The following CFAP299 variants were observed in gnomAD, a reference collection of about 807,000 sequenced individuals.
CFAP299 encodes cilia and flagella associated protein 299, also known as cilia- and flagella-associated protein 299.
A neutral mutation model predicts 27.0 loss-of-function variants in CFAP299; 21 were observed. The ratio of observed to expected loss-of-function variants is 0.78; its 90% CI spans 0.55 to 1.12. The LOEUF is 1.12. Ranked by LOEUF, CFAP299 falls within the 50% of genes most tolerant of loss-of-function variation. The probability of loss-of-function intolerance (pLI) is 0.00; values close to 1 mark genes in which losing one functional copy is unlikely to be tolerated. For synonymous variants in CFAP299, 104 were observed against 98.1 expected, an observed-to-expected ratio of 1.06 and a Z score of -0.36; for missense variants, 310 against 276.6, an observed-to-expected ratio of 1.12 and a Z score of -0.86.
chr4:80,775,678 T>A (rs1257724659), intron 3 of CFAP299, among the ~76,000 whole-genome samples: 1 of 152,022 alleles, frequency 6.6e-6, no homozygotes, highest in Non-Finnish European at 1.5e-5. Context: ...AGCCCAAATA[T>A]GTTTGTAAAA....
chr4:80,549,435 A>G (rs1011227296), intron 2 of CFAP299, among the ~76,000 whole-genome samples: 5 of 152,190 alleles, frequency 3.3e-5, no homozygotes, highest in Non-Finnish European at 7.4e-5. Context: ...CAACTTTTAA[A>G]AAGATATATT....
At chr4:80,891,327 C>T (rs1466896158) in intron 4 of CFAP299, among the ~76,000 whole-genome samples, 1 of 151,458 alleles carries the variant, frequency 6.6e-6, no homozygotes, top group Non-Finnish European at 1.5e-5. Context: ...AATCCTTTCC[C>T]CATTGCTTGT....
intron 2 of CFAP299, among the ~76,000 whole-genome samples, chr4:80,558,070 T>C (rs1734859585): frequency 6.6e-6 from 1 of 152,154 alleles, no homozygotes; most frequent in Non-Finnish European, 1.5e-5. Context: ...ATTTTAATAA[T>C]GGTCAACACA....
intron 2 of CFAP299, among the ~76,000 whole-genome samples, chr4:80,475,389 T>C (rs565573489): frequency 6.6e-6 from 1 of 151,986 alleles, no homozygotes; most frequent in Non-Finnish European, 1.5e-5. Flanking sequence ...GAGGAAGTGG[T>C]TTGTGACAGG....
intron 4 of CFAP299, among the ~76,000 whole-genome samples, chr4:80,919,898 G>A (rs2110210093): frequency 6.6e-6 from 1 of 152,126 alleles, no homozygotes; most frequent in South Asian, 2.1e-4. Flanking sequence ...CAGTATATAT[G>A]GGTTTGCTTG....
chr4:80,682,715 C>T (rs554416636), intron 3 of CFAP299, among the ~76,000 whole-genome samples: 1 of 152,228 alleles, frequency 6.6e-6, no homozygotes, highest in South Asian at 2.1e-4. Context: ...TATTATAAGA[C>T]CAAAGACTGC....
chr4:80,650,108 C>A (rs930063092), intron 3 of CFAP299, among the ~76,000 whole-genome samples: 3 of 151,492 alleles, frequency 2.0e-5, no homozygotes, highest in Non-Finnish European at 4.4e-5. Flanking sequence ...AATGTGAATA[C>A]CGTTTATATG....
intron 4 of CFAP299, among the ~76,000 whole-genome samples, chr4:80,912,625 C>T (rs775724363): frequency 2.2e-4 from 34 of 152,140 alleles, no homozygotes; most frequent in Non-Finnish European, 3.8e-4. Context: ...CACTGGCCCA[C>T]GCGTATGGCT....
chr4:80,618,935 G>T (rs10025495), intron 3 of CFAP299, among the ~76,000 whole-genome samples: 1 of 151,848 alleles, frequency 6.6e-6, no homozygotes, highest in East Asian at 1.9e-4. Context: ...TATGAAAACC[G>T]TGCTAAAATT....
At chr4:80,444,509 A>C (rs867295071) in intron 2 of CFAP299, among the ~76,000 whole-genome samples, 15 of 152,338 alleles carry the variant, frequency 9.8e-5, no homozygotes, top group African/African-American at 3.6e-4. Flanking sequence ...CCTATCTTAC[A>C]CATTATACAA....
chr4:80,799,285 G>A (rs1160588301), intron 3 of CFAP299, among the ~76,000 whole-genome samples: 3 of 74,356 alleles, frequency 4.0e-5, no homozygotes, highest in African/African-American at 6.7e-5. Flanking sequence ...TATATATATT[G>A]TATAAATATA....
At chr4:80,958,315 A>C (rs1288972742) in intron 5 of CFAP299, among the ~76,000 whole-genome samples, 1 of 152,110 alleles carries the variant, frequency 6.6e-6, no homozygotes, top group African/African-American at 2.4e-5. Flanking sequence ...TGATTCAATG[A>C]ACATTGTTTT....
intron 4 of CFAP299, among the ~76,000 whole-genome samples, chr4:80,916,253 AT>A (rs1735748211): frequency 1.1e-4 from 1 of 9,022 alleles, no homozygotes; most frequent in Non-Finnish European, 1.7e-4. Context: ...CTAGACTGAA[AT>A]ATATATATAT....
intron 3 of CFAP299, among the ~76,000 whole-genome samples, chr4:80,590,586 G>A (rs1477926760): frequency 2.6e-5 from 4 of 152,104 alleles, no homozygotes; most frequent in East Asian, 1.9e-4. Context: ...GCAGTGAGCC[G>A]AGATCAAGCC....
chr4:80,335,166 G>C (rs1441338674), upstream of CFAP299, among the ~76,000 whole-genome samples: 1 of 152,158 alleles, frequency 6.6e-6, no homozygotes, highest in Non-Finnish European at 1.5e-5. Flanking sequence ...TGCTAAAATA[G>C]TAAAATAAGT....
chr4:80,439,106 A>G (rs1397589375), intron 2 of CFAP299, among the ~76,000 whole-genome samples: 3 of 152,198 alleles, frequency 2.0e-5, no homozygotes, highest in African/African-American at 7.2e-5. Flanking sequence ...ATTATTTTAA[A>G]TTTGTCTTCT....
intron 3 of CFAP299, among the ~76,000 whole-genome samples, chr4:80,734,016 A>G (rs1723700947): frequency 6.6e-6 from 1 of 152,044 alleles, no homozygotes; most frequent in Non-Finnish European, 1.5e-5. Flanking sequence ...TAATAGCTCT[A>G]TTTTTAGTTT....
chr4:80,858,027 C>T (rs952236707), intron 3 of CFAP299, among the ~76,000 whole-genome samples: 1 of 152,022 alleles, frequency 6.6e-6, no homozygotes, highest in Non-Finnish European at 1.5e-5. Flanking sequence ...GCTGTGAATC[C>T]ATCTGGTCCT....
At chr4:80,729,849 C>T (rs1005091925) in intron 3 of CFAP299, among the ~76,000 whole-genome samples, 9 of 151,956 alleles carry the variant, frequency 5.9e-5, no homozygotes, top group South Asian at 4.2e-4. Flanking sequence ...GTGATCTGCC[C>T]GCCTCGGCCT....
Sources: allele counts gnomAD v4.1 joint callset (sites outside exome capture counted in the v4.1 genomes callset), GRCh38; gene constraint gnomAD v4.1.1; transcripts MANE v1.5; gene names NCBI Gene and HGNC (gene_info 2026-07-23, HGNC 2026-07-21).